Variants in RBFOX1 observed in about 807,000 individuals in gnomAD.
RBFOX1 encodes the protein RNA binding fox-1 homolog 1.
A neutral mutation model predicts 57.7 loss-of-function variants in RBFOX1; 8 were observed. That is an observed-to-expected ratio of 0.14 (90% CI 0.08 to 0.25). The LOEUF is 0.25. Among genes scored for constraint, RBFOX1 ranks in the 10% least tolerant of loss-of-function variants. The pLI is 1.00. For synonymous variants in RBFOX1, 326 were observed against 222.4 expected (o/e 1.47, Z -4.15); for missense variants, 611 against 548.5 (o/e 1.11, Z -1.14).
downstream of RBFOX1, among the ~76,000 whole-genome samples, chr16:5,600,703 G>A (rs190048424): frequency 1.3e-5 from 2 of 152,060 alleles, no homozygotes; most frequent in Non-Finnish European, 1.5e-5. Context: ...TTCCAGGCTG[G>A]ATTTTTATAA....
intron 3 of RBFOX1, among the ~76,000 whole-genome samples, chr16:6,756,431 A>C (rs1475674555): frequency 3.3e-5 from 5 of 152,200 alleles, no homozygotes; most frequent in Non-Finnish European, 5.9e-5. Context: ...CTAAGACTTC[A>C]AAGGCATAGG....
rs145986420 is a variant in RBFOX1 at position 5,428,961 on chromosome 16, G to C, written c.220-38255G>C. Among the ~76,000 whole-genome samples the C allele has an allele frequency of 4.6e-3, 695 of 152,164 alleles. 2 individuals carry two copies. Among genetic ancestry groups the C allele is most frequent in the Middle Eastern group, 0.017 (5 of 294 alleles). ...TTGTCTCGATGTGAGCAGTGCAGGG[G>C]CTTTTCCTCTCTTCCTAACAACCCT... On this transcript the variant is annotated intron_variant, in intron 1 of 2. Transcript: ENST00000585867.
At chr16:6,194,192 G>C (rs2097165283) in intron 1 of RBFOX1, among the ~76,000 whole-genome samples, 1 of 152,084 alleles carries the variant, frequency 6.6e-6, no homozygotes, top group African/African-American at 2.4e-5. Flanking sequence ...TTCAGGCTCT[G>C]CAGCTCCCCC....
intron 14 of RBFOX1, among the ~76,000 whole-genome samples, chr16:7,701,916 C>T (rs904312403): frequency 3.9e-5 from 6 of 152,142 alleles, no homozygotes; most frequent in African/African-American, 1.4e-4. Flanking sequence ...AGGGTTTCTC[C>T]CTGTTGCAGC....
intron 4 of RBFOX1, among the ~76,000 whole-genome samples, chr16:7,449,714 A>G (rs1021688801): frequency 7.5e-5 from 7 of 93,330 alleles, no homozygotes; most frequent in South Asian, 4.7e-4. Flanking sequence ...AGAAACATGT[A>G]TGTGTGTGTG....
intron 1 of RBFOX1, among the ~76,000 whole-genome samples, chr16:6,247,663 C>T (rs1000455090): frequency 6.6e-6 from 1 of 152,102 alleles, no homozygotes; most frequent in Admixed American, 6.5e-5. Context: ...AACACTAGAG[C>T]ATAGAGAAGC....
intron 3 of RBFOX1, among the ~76,000 whole-genome samples, chr16:6,860,251 C>A (rs979175277): frequency 6.6e-6 from 1 of 152,182 alleles, no homozygotes; most frequent in Non-Finnish European, 1.5e-5. Flanking sequence ...CAATGTTAGG[C>A]ACTTAATGGT....
chr16:5,620,524 G>A (rs1567308312), intron 3 of RBFOX1, among the ~76,000 whole-genome samples: 1 of 152,108 alleles, frequency 6.6e-6, no homozygotes, highest in Admixed American at 6.5e-5. Context: ...TGTCAGCGGG[G>A]TTGGTTTCTT....
chr16:7,709,332 G>A (rs1288573880), intron 15 of RBFOX1, among the ~76,000 whole-genome samples: 1 of 152,154 alleles, frequency 6.6e-6, no homozygotes, highest in Admixed American at 6.5e-5. Flanking sequence ...GTGCATGTAA[G>A]TTATTATATT....
At position 6,153,226 on chromosome 16, in the gene RBFOX1, A is replaced by G. The variant is rs184262854; in HGVS notation, c.-127+133234A>G. 3.6e-3 allele frequency among the ~76,000 whole-genome samples: 542 copies of G among 152,166 alleles called. 3 individuals are homozygous for G. Among genetic ancestry groups the G allele is most frequent in the African/African-American group, 0.012 (510 of 41,536 alleles). ...CAAAAGAAGTTCCAGAACAGAATTA[A>G]AACTATGCAGCATTCCTATTTCCTC... On this transcript the variant is annotated intron_variant, in intron 1 of 15. Transcript: ENST00000550418.
At chr16:5,371,619 C>G (rs970459432) in intron 1 of RBFOX1, among the ~76,000 whole-genome samples, 11 of 152,182 alleles carry the variant, frequency 7.2e-5, no homozygotes, top group Non-Finnish European at 1.5e-4. Flanking sequence ...GAGGTGTGAG[C>G]CGGTGATGTG....
At chr16:6,612,021 T>C (rs1173999773) in intron 2 of RBFOX1, among the ~76,000 whole-genome samples, 3 of 152,170 alleles carry the variant, frequency 2.0e-5, no homozygotes, top group African/African-American at 4.8e-5. Context: ...AAATTCCTTT[T>C]GGTTGAAAAG....
intron 3 of RBFOX1, among the ~76,000 whole-genome samples, chr16:6,854,110 A>G (rs555398432): frequency 6.6e-6 from 1 of 152,172 alleles, no homozygotes; most frequent in African/African-American, 2.4e-5. Flanking sequence ...TTCTTTTACA[A>G]AACTCCATTG....
intron 3 of RBFOX1, among the ~76,000 whole-genome samples, chr16:5,719,368 A>ATT (rs543029084): frequency 4.9e-5 from 7 of 142,912 alleles, no homozygotes; most frequent in Admixed American, 2.1e-4. Flanking sequence ...TGCCCGGCTA[A>ATT]TTTTTTTTTT....
intron 1 of RBFOX1, among the ~76,000 whole-genome samples, chr16:5,388,633 G>A (rs958399467): frequency 1.3e-5 from 2 of 152,108 alleles, no homozygotes; most frequent in African/African-American, 2.4e-5. Flanking sequence ...CTAGAGTGGC[G>A]TGGTATGATC....
chr16:6,554,012 T>C (rs1290267034), intron 2 of RBFOX1, among the ~76,000 whole-genome samples: 1 of 151,154 alleles, frequency 6.6e-6, no homozygotes, highest in Non-Finnish European at 1.5e-5. Context: ...ATATTAGGGA[T>C]GAATAAATGT....
chr16:7,206,194 C>G (rs1037679724), intron 4 of RBFOX1, among the ~76,000 whole-genome samples: 1 of 152,080 alleles, frequency 6.6e-6, no homozygotes, highest in East Asian at 1.9e-4. Flanking sequence ...GACTCATAAC[C>G]TTTCTAGGGA....
At chr16:5,616,957 A>C (rs547448622) in intron 3 of RBFOX1, among the ~76,000 whole-genome samples, 1 of 138,996 alleles carries the variant, frequency 7.2e-6, no homozygotes, top group Non-Finnish European at 1.5e-5. Flanking sequence ...ATAGATACTT[A>C]TTGGCAGTAC....
chr16:5,923,784 G>A (rs2058884640), intron 4 of RBFOX1, among the ~76,000 whole-genome samples: 2 of 151,902 alleles, frequency 1.3e-5, no homozygotes, highest in African/African-American at 2.4e-5. Flanking sequence ...CAAGTGATGT[G>A]CCTACCTCAG....
Sources: allele counts gnomAD v4.1 joint callset (sites outside exome capture counted in the v4.1 genomes callset), GRCh38; gene constraint gnomAD v4.1.1; transcripts MANE v1.5; gene names NCBI Gene and HGNC (gene_info 2026-07-23, HGNC 2026-07-21).